Variants in CSMD1 observed in about 807,000 individuals in gnomAD.
CSMD1 encodes CUB and Sushi multiple domains 1, also known as CUB and sushi domain-containing protein 1.
In CSMD1, 213 loss-of-function variants were observed where a neutral mutation model predicts 417.5. The observed-to-expected ratio is 0.51, with a 90% confidence interval of 0.46 to 0.57. The LOEUF (loss-of-function observed/expected upper bound fraction) is 0.57. Among genes scored for constraint, CSMD1 ranks in the 20% least tolerant of loss-of-function variants. CSMD1 has a pLI of 0.00. For missense variants in CSMD1, 6,923 were observed against 4,529.7 expected, an observed-to-expected ratio of 1.53 and a Z score of -15.17; for synonymous variants, 2,862 against 1,736.8, an observed-to-expected ratio of 1.65 and a Z score of -16.11.
chr8:4,382,524 T>C (rs1803168416), intron 3 of CSMD1, among the ~76,000 whole-genome samples: 1 of 152,174 alleles, frequency 6.6e-6, no homozygotes. Context: ...TTTTAAACTG[T>C]ATTGCAAAAA....
chr8:2,993,568 A>T (rs537177176), intron 54 of CSMD1, among the ~76,000 whole-genome samples: 1 of 152,326 alleles, frequency 6.6e-6, no homozygotes, highest in Non-Finnish European at 1.5e-5. Flanking sequence ...TTTGAGAAGG[A>T]TCCATCTTTT....
chr8:3,397,001 C>T (rs1413948689), intron 16 of CSMD1, among the ~76,000 whole-genome samples: 1 of 152,100 alleles, frequency 6.6e-6, no homozygotes, highest in South Asian at 2.1e-4. Context: ...AAAGTTACAA[C>T]AGCTTCCAAA....
At chr8:3,291,700 A>C (rs866764262) in intron 25 of CSMD1, among the ~76,000 whole-genome samples, 1 of 151,388 alleles carries the variant, frequency 6.6e-6, no homozygotes, top group Non-Finnish European at 1.5e-5. Flanking sequence ...TATTATGTCT[A>C]TTTGATTCTT....
intron 1 of CSMD1, among the ~76,000 whole-genome samples, chr8:4,874,865 T>C (rs1395212100): frequency 6.7e-6 from 1 of 148,494 alleles, no homozygotes; most frequent in Non-Finnish European, 1.5e-5. Context: ...AAATATAGTA[T>C]AGTGTATATA....
intron 47 of CSMD1, among the ~76,000 whole-genome samples, chr8:3,096,604 T>G (rs899499079): frequency 6.6e-6 from 1 of 152,158 alleles, no homozygotes; most frequent in Non-Finnish European, 1.5e-5. Context: ...TTCCTAGTCT[T>G]GGGTCTGTCT....
Position 3,801,731 on chromosome 8 carries a change from C to T in CSMD1, c.819-47689G>A, listed in dbSNP as rs114001730. On this transcript the variant is annotated intron_variant, in intron 5 of 69. Transcript: ENST00000635120. The stretch of plus-strand genomic sequence containing the variant: ...AATATGGAAACAATTCAAGCATTCA[C>T]CAACTGATGACTCTGGACAAACTAA... Among the ~76,000 whole-genome samples the T allele has an allele frequency of 8.7e-3, 1,320 of 152,230 alleles. 21 individuals are homozygous for T. The highest frequency in any genetic ancestry group is 0.03 in the African/African-American group (1,261 of 41,518).
intron 1 of CSMD1, among the ~76,000 whole-genome samples, chr8:4,775,488 A>C (rs1796807695): frequency 6.6e-6 from 1 of 152,252 alleles, no homozygotes. Flanking sequence ...AAGGGTATAA[A>C]ATAAGCAATC....
intron 4 of CSMD1, among the ~76,000 whole-genome samples, chr8:4,020,726 T>C (rs1004783175): frequency 1.3e-5 from 2 of 152,254 alleles, no homozygotes; most frequent in East Asian, 1.9e-4. Flanking sequence ...CAAAGTCTTC[T>C]GTAATCTTCA....
chr8:4,188,521 GTTTA>G (rs940183802), intron 3 of CSMD1, among the ~76,000 whole-genome samples: 6 of 152,060 alleles, frequency 3.9e-5, no homozygotes, highest in Admixed American at 3.3e-4. Flanking sequence ...CTTGCAAATA[GTTTA>G]TTTGAGGCTG....
At chr8:2,987,030 A>G (rs1394631197) in intron 54 of CSMD1, among the ~76,000 whole-genome samples, 3 of 151,834 alleles carry the variant, frequency 2.0e-5, no homozygotes, top group African/African-American at 7.2e-5. Context: ...ATTCCCTCTT[A>G]ACTGATTTTA....
chr8:3,889,487 AT>A (rs1585145892), intron 5 of CSMD1, among the ~76,000 whole-genome samples: 7 of 111,014 alleles, frequency 6.3e-5, no homozygotes, highest in East Asian at 2.5e-4. Flanking sequence ...ATATATATAT[AT>A]ATATAAAATA....
At chr8:3,864,446 G>T (rs1252332322) in intron 5 of CSMD1, among the ~76,000 whole-genome samples, 1 of 152,156 alleles carries the variant, frequency 6.6e-6, no homozygotes, top group Non-Finnish European at 1.5e-5. Context: ...GTATGAGAAG[G>T]GGTTAAGGAA....
rs780099327 is a variant in CSMD1 at position 3,199,750 on chromosome 8, C to G, written c.5158G>C (p.Gly1720Arg). 1.3e-5 allele frequency: 21 copies of G among 1,588,962 alleles called. No individual in the cohort carries two copies. Among genetic ancestry groups the G allele is most frequent in the Non-Finnish European group, 1.7e-5 (20 of 1,167,458 alleles). ...QILLRFSAKS[G>R]ASARGFHFVY... The stretch of plus-strand genomic sequence containing the variant: ...AAGTGGAAGCCGCGGGCAGAGGCAC[C>G]GCTCTTTGCACTGAATCGGAGCAGA... Residue 1720 changes from glycine to arginine, a missense_variant, in exon 33 of 70, where the codon GGT becomes CGT. Transcript: ENST00000635120.
chr8:3,702,118 AT>A (rs762208801), intron 7 of CSMD1: 1 of 152,188 alleles, frequency 6.6e-6, no homozygotes, highest in Non-Finnish European at 1.5e-5. Flanking sequence ...TCCCAGGGGC[AT>A]AAAGGCAATG....
chr8:3,264,952 G>A (rs1801328299), intron 26 of CSMD1, among the ~76,000 whole-genome samples: 1 of 152,000 alleles, frequency 6.6e-6, no homozygotes, highest in Non-Finnish European at 1.5e-5. Context: ...CTTTAATAAC[G>A]ATGAATGCTG....
At chr8:3,208,516 C>T (rs144885940) in intron 30 of CSMD1, among the ~76,000 whole-genome samples, 51 of 152,290 alleles carry the variant, frequency 3.3e-4, no homozygotes, top group South Asian at 8.3e-4. Flanking sequence ...CCACCTACCT[C>T]GGCCTCCCAA....
chr8:4,042,090 C>G (rs1247622374), intron 3 of CSMD1, among the ~76,000 whole-genome samples: 1 of 151,876 alleles, frequency 6.6e-6, no homozygotes, highest in African/African-American at 2.4e-5. Context: ...GCAGGGAACA[C>G]AAAGAGGGAC....
intron 17 of CSMD1, among the ~76,000 whole-genome samples, chr8:3,394,026 A>T (rs1373449752): frequency 0.021 from 1,285 of 61,492 alleles, 102 homozygotes; most frequent in South Asian, 0.2. Flanking sequence ...ATATATATAT[A>T]TATATATATA....
rs140327533 is a variant in CSMD1 at position 3,341,188 on chromosome 8, G to T, written c.3631+2106C>A. ...CTCGCCCACTGACGCAAGCCTTCTG[G>T]GTGAGGGAGGGTGGACATCAACATG... On this transcript the variant is annotated intron_variant, in intron 23 of 69. Coordinates refer to ENST00000635120, the MANE Select transcript of CSMD1 (RefSeq NM_033225.6). Among the ~76,000 whole-genome samples the T allele has an allele frequency of 5.4e-3, 820 of 152,170 alleles. 3 individuals are homozygous for T. The highest frequency in any genetic ancestry group is 0.019 in the African/African-American group (784 of 41,518).
Sources: allele counts gnomAD v4.1 joint callset (sites outside exome capture counted in the v4.1 genomes callset), GRCh38; gene constraint gnomAD v4.1.1; transcripts MANE v1.5; gene names NCBI Gene and HGNC (gene_info 2026-07-23, HGNC 2026-07-21).